Variants in HPCAL1 observed in about 807,000 individuals in gnomAD.
The protein encoded by HPCAL1 is hippocalcin-like protein 1.
Under a neutral mutation model 17.1 loss-of-function variants are expected in HPCAL1, and 8 were observed. The observed-to-expected ratio is 0.47, with a 90% confidence interval of 0.27 to 0.84. The LOEUF is 0.84. HPCAL1 is among the 40% of genes least tolerant of loss of function. The pLI is 0.13. For missense variants in HPCAL1, 165 were observed against 271.1 expected (o/e 0.61, Z 2.75); for synonymous variants, 112 against 111.4 (o/e 1.01, Z -0.03).
At chr2:10,421,940 G>C (rs1263318774) in intron 3 of HPCAL1, among the ~76,000 whole-genome samples, 1 of 152,180 alleles carries the variant, frequency 6.6e-6, no homozygotes, top group South Asian at 2.1e-4. Flanking sequence ...CTGGCTCTTA[G>C]CTTCATGCAG....
In HPCAL1 at chr2:10,343,032, A is replaced by G. The variant is rs1189340407; in HGVS notation, c.-111+39855A>G. ...CCAGCTGTTGCAAGTTTTAAACTCAATGTGCCTCTGGATGTGTGTGTAGAG... is the reference window on the plus strand; with the variant it reads ...CCAGCTGTTGCAAGTTTTAAACTCAGTGTGCCTCTGGATGTGTGTGTAGAG... On this transcript the variant is annotated intron_variant, in intron 1 of 4. Coordinates refer to ENST00000307845, the MANE Select transcript of HPCAL1 (RefSeq NM_002149.4). The surrounding 1 kb of genome is among the most constrained non-coding windows in gnomAD (Gnocchi z 4.8). 6.6e-6 allele frequency among the ~76,000 whole-genome samples: 1 copy of G among 152,116 alleles called. No individual in the cohort carries two copies. Among genetic ancestry groups the G allele is most frequent in the South Asian group, 2.1e-4 (1 of 4,830 alleles).
chr2:10,360,820 G>A (rs1332498056), intron 1 of HPCAL1, among the ~76,000 whole-genome samples: 1 of 151,746 alleles, frequency 6.6e-6, no homozygotes, highest in Non-Finnish European at 1.5e-5. Flanking sequence ...GTTAACCTGG[G>A]ACTCTCTTCT....
chr2:10,314,344 T>C (rs900230957), intron 1 of HPCAL1, among the ~76,000 whole-genome samples: 5 of 151,894 alleles, frequency 3.3e-5, no homozygotes, highest in African/African-American at 9.7e-5. Context: ...GGAGGTGAGC[T>C]CTGTGGGTTG....
In HPCAL1 at chr2:10,384,494, T is replaced by C. The variant is rs975946899; in HGVS notation, c.-110-12341T>C. ...CATGCTTGCTTGGTGCACGGTGCTG[T>C]GCTGGGCACTGGGGCAAGGCCCCCT... On this transcript the variant is annotated intron_variant, in intron 1 of 4. Transcript: ENST00000307845. The surrounding 1 kb of genome is among the most constrained non-coding windows in gnomAD (Gnocchi z 4.4). Among the ~76,000 whole-genome samples the C allele has an allele frequency of 1.3e-4, 20 of 152,170 alleles. No homozygotes were observed. Among genetic ancestry groups the C allele is most frequent in the African/African-American group, 4.6e-4 (19 of 41,458 alleles).
chr2:10,412,272 C>G (rs1041307519), intron 2 of HPCAL1, among the ~76,000 whole-genome samples: 1 of 152,222 alleles, frequency 6.6e-6, no homozygotes, highest in African/African-American at 2.4e-5. Context: ...GTGCAGGGAA[C>G]GACTTTCCTC....
chr2:10,414,710 C>G (rs997217245), intron 2 of HPCAL1, among the ~76,000 whole-genome samples: 2 of 152,184 alleles, frequency 1.3e-5, no homozygotes, highest in Non-Finnish European at 2.9e-5. Context: ...AGCTGGTTCT[C>G]TCTGGCCACG....
chr2:10,311,371 C>A (rs1006715434), intron 1 of HPCAL1, among the ~76,000 whole-genome samples: 1 of 152,178 alleles, frequency 6.6e-6, no homozygotes, highest in African/African-American at 2.4e-5. Context: ...GGTGCTAAGG[C>A]CCTGCTTGCC....
At chr2:10,401,062 C>G (rs1471613415) in intron 2 of HPCAL1, among the ~76,000 whole-genome samples, 2 of 152,162 alleles carry the variant, frequency 1.3e-5, no homozygotes, top group Non-Finnish European at 2.9e-5. Context: ...GCCCCTTAGT[C>G]TGCTCAGCCA....
intron 1 of HPCAL1, among the ~76,000 whole-genome samples, chr2:10,356,015 C>G (rs1438577412): frequency 6.6e-6 from 1 of 152,130 alleles, no homozygotes; most frequent in Non-Finnish European, 1.5e-5. Flanking sequence ...AGGGACCGCA[C>G]AGAGCAGGTG....
At chr2:10,332,422 G>T (rs915216511) in intron 1 of HPCAL1, among the ~76,000 whole-genome samples, 1 of 152,130 alleles carries the variant, frequency 6.6e-6, no homozygotes, top group Non-Finnish European at 1.5e-5. Flanking sequence ...CCCCTCTGCG[G>T]TTCTCAGGAA....
intron 1 of HPCAL1, among the ~76,000 whole-genome samples, chr2:10,357,912 C>A (rs776384821): frequency 2.6e-5 from 4 of 152,128 alleles, no homozygotes; most frequent in Non-Finnish European, 5.9e-5. Context: ...ACCTGGCCTA[C>A]CCCCAGTCAC....
In HPCAL1 at chr2:10,354,251, A is replaced by G. The variant is rs982142367; in HGVS notation, c.-110-42584A>G. ...AGTCCTCTCTGTCTTCTCCAGGCGC[A>G]GCCCTTCAGCCATGCAATCCTGCGT... On this transcript the variant is annotated intron_variant, in intron 1 of 4. Coordinates refer to ENST00000307845, the MANE Select transcript of HPCAL1 (RefSeq NM_002149.4). This position sits in a 1 kb window ranked among gnomAD's most constrained non-coding sequence, Gnocchi z 5.1. 6.6e-6 allele frequency: 1 copy of G among 152,242 alleles called. No individual in the cohort carries two copies. Among genetic ancestry groups the G allele is most frequent in the African/African-American group, 2.4e-5 (1 of 41,444 alleles). 9.4% of individuals were successfully genotyped at this position (152,242 alleles called of 1,614,324 possible).
At chr2:10,307,925 G>T (rs1358068795) in intron 1 of HPCAL1, among the ~76,000 whole-genome samples, 2 of 152,228 alleles carry the variant, frequency 1.3e-5, no homozygotes, top group African/African-American at 4.8e-5. Flanking sequence ...TCTTAACGCA[G>T]TAAGTGCTTC....
chr2:10,339,093 G>A (rs1664905464), intron 1 of HPCAL1, among the ~76,000 whole-genome samples: 3 of 152,118 alleles, frequency 2.0e-5, no homozygotes, highest in South Asian at 2.1e-4. Context: ...TTGTTTGCAC[G>A]AAGCTGAGGA....
chr2:10,370,698 G>A (rs1018891465), intron 1 of HPCAL1, among the ~76,000 whole-genome samples: 2 of 152,248 alleles, frequency 1.3e-5, no homozygotes, highest in African/African-American at 4.8e-5. Context: ...TCTGCCAGGG[G>A]TGTGTTTTGG....
At position 10,423,100 on chromosome 2, in the gene HPCAL1, TG is replaced by T; in HGVS notation, c.484+17del. The T allele has an allele frequency of 6.4e-7, 1 of 1,553,324 alleles. No individual in the cohort carries two copies. The highest frequency in any genetic ancestry group is 1.1e-5 in the South Asian group (1 of 89,704). On this transcript the variant is annotated intron_variant, in intron 4 of 4. Coordinates refer to ENST00000307845, the MANE Select transcript of HPCAL1 (RefSeq NM_002149.4). ...CACCAACAATGACGGTAGTGCGGGG[TG>T]GGGGCGGGGCTGCATGTGTACGCCA...
intron 1 of HPCAL1, among the ~76,000 whole-genome samples, chr2:10,385,116 A>G (rs1038103550): frequency 6.7e-6 from 1 of 149,068 alleles, no homozygotes; most frequent in Non-Finnish European, 1.5e-5. Context: ...AAAAAAAGAT[A>G]GAGGTGACAG....
At chr2:10,335,256 G>A (rs2125430012) in intron 1 of HPCAL1, among the ~76,000 whole-genome samples, 1 of 152,338 alleles carries the variant, frequency 6.6e-6, no homozygotes, top group South Asian at 2.1e-4. Context: ...TAAAAAGACT[G>A]CAGCTGCCAG....
Position 10,367,400 on chromosome 2 carries a change from C to T in HPCAL1, c.-110-29435C>T, listed in dbSNP as rs1212972906. 6.6e-6 allele frequency among the ~76,000 whole-genome samples: 1 copy of T among 151,928 alleles called. No individual in the cohort carries two copies. Among genetic ancestry groups the T allele is most frequent in the Non-Finnish European group, 1.5e-5 (1 of 67,996 alleles). ...CTCCCAGGCTCAAGTGATCCTCCCA[C>T]CTCAGCATCCTGAATAGCTGGGACT... is the stretch of plus-strand genomic sequence containing the variant. On this transcript the variant is annotated intron_variant, in intron 1 of 4. Transcript: ENST00000307845. The surrounding 1 kb of genome is among the most constrained non-coding windows in gnomAD (Gnocchi z 4.4).
Sources: allele counts gnomAD v4.1 joint callset (sites outside exome capture counted in the v4.1 genomes callset), GRCh38; gene constraint gnomAD v4.1.1; non-coding constraint Gnocchi (gnomAD v3.1); transcripts MANE v1.5; gene names NCBI Gene and HGNC (gene_info 2026-07-23, HGNC 2026-07-21).